TENM4: variants seen among roughly 807,000 people sequenced by gnomAD.
TENM4 encodes the protein teneurin-4.
A neutral mutation model predicts 243.3 loss-of-function variants in TENM4; 82 were observed. That is an observed-to-expected ratio of 0.34 (90% CI 0.28 to 0.40). The LOEUF (loss-of-function observed/expected upper bound fraction) is 0.40. Among genes scored for constraint, TENM4 ranks in the 10% least tolerant of loss-of-function variants. The probability of loss-of-function intolerance (pLI) is 1.00; values close to 1 mark genes in which losing one functional copy is unlikely to be tolerated. For missense variants in TENM4, 3,138 were observed against 3,673.3 expected (o/e 0.85, Z 3.77); for synonymous variants, 1,412 against 1,456.3 (o/e 0.97, Z 0.69).
chr11:79,323,049 G>A (rs1277872332), intron 1 of TENM4, among the ~76,000 whole-genome samples: 2 of 152,192 alleles, frequency 1.3e-5, no homozygotes. Flanking sequence ...TCACTGTGCT[G>A]TAATCATGGG....
intron 6 of TENM4, among the ~76,000 whole-genome samples, chr11:78,994,992 T>G (rs1858135912): frequency 6.6e-6 from 1 of 152,184 alleles, no homozygotes; most frequent in South Asian, 2.1e-4. Context: ...AGATATGAAC[T>G]AAGAGATAAA....
chr11:79,256,276 C>A (rs1855699847), intron 2 of TENM4, among the ~76,000 whole-genome samples: 1 of 152,206 alleles, frequency 6.6e-6, no homozygotes. Context: ...GGGTGCTGCG[C>A]TATCTCACCG....
At chr11:79,095,960 G>T (rs2137063813) in intron 4 of TENM4, 1 of 152,300 alleles carries the variant, frequency 6.6e-6, no homozygotes, top group East Asian at 1.9e-4. Flanking sequence ...AGAACCCATT[G>T]AGGGTCTCTC....
intron 18 of TENM4, among the ~76,000 whole-genome samples, chr11:78,767,980 G>A (rs1856571290): frequency 6.6e-6 from 1 of 152,206 alleles, no homozygotes; most frequent in African/African-American, 2.4e-5. Context: ...AGGTGTGCTT[G>A]GCTGAACTGA....
chr11:78,897,055 A>G (rs1400390864), intron 7 of TENM4, among the ~76,000 whole-genome samples: 1 of 152,134 alleles, frequency 6.6e-6, no homozygotes, highest in African/African-American at 2.4e-5. Context: ...CTCAACAATT[A>G]TGATGAATAA....
chr11:78,714,961 G>A (rs956813961), intron 25 of TENM4, among the ~76,000 whole-genome samples: 5 of 152,206 alleles, frequency 3.3e-5, no homozygotes, highest in African/African-American at 9.7e-5. Context: ...GTCAATACTT[G>A]AAGGGAAGAG....
intron 1 of TENM4, among the ~76,000 whole-genome samples, chr11:79,313,511 T>G (rs1856754597): frequency 6.6e-6 from 1 of 152,188 alleles, no homozygotes; most frequent in Admixed American, 6.5e-5. Flanking sequence ...CTAAATACAC[T>G]TGCTAATAAC....
intron 1 of TENM4, among the ~76,000 whole-genome samples, chr11:79,308,546 T>C (rs1350720412): frequency 6.6e-6 from 1 of 152,270 alleles, no homozygotes; most frequent in African/African-American, 2.4e-5. Context: ...TTACCCATAT[T>C]CACAGTGGGA....
intron 19 of TENM4, among the ~76,000 whole-genome samples, chr11:78,752,802 T>G (rs1345507090): frequency 2.6e-5 from 4 of 151,844 alleles, no homozygotes; most frequent in Non-Finnish European, 5.9e-5. Flanking sequence ...TTCAACAGCC[T>G]AAACCTGCCT....
At chr11:79,341,688 T>C (rs1353881331) in intron 1 of TENM4, among the ~76,000 whole-genome samples, 1 of 152,192 alleles carries the variant, frequency 6.6e-6, no homozygotes, top group Non-Finnish European at 1.5e-5. Flanking sequence ...CTCTCTGTGC[T>C]CTCTGAGAGG....
chr11:79,429,505 G>A (rs560924710), intron 1 of TENM4, among the ~76,000 whole-genome samples: 3 of 151,992 alleles, frequency 2.0e-5, no homozygotes, highest in African/African-American at 7.2e-5. Context: ...AAGCTACTTC[G>A]TGAATCCCAC....
chr11:78,786,914 G>C lies in TENM4; in HGVS notation c.2349C>G (p.Gly783=). The C allele has an allele frequency of 6.2e-7, 1 of 1,608,762 alleles. No homozygotes were observed. Among genetic ancestry groups the C allele is most frequent in the Non-Finnish European group, 8.5e-7 (1 of 1,178,066 alleles). ...CCGCCATACCGATGGTGCAGTGTTC[G>C]CCATTCCAGCCAGGGCTGCACTCGC... ...GKCECSPGWN[G]EHCTIAHYLD... The change falls in exon 16 of 34, where the codon GGC becomes GGG. Residue 783 remains glycine, a synonymous_variant. Transcript: ENST00000278550.
In TENM4 at chr11:79,117,401, C is replaced by T. The variant is rs566640712; in HGVS notation, c.-66+31309G>A. 2.0e-5 allele frequency among the ~76,000 whole-genome samples: 3 copies of T among 152,292 alleles called. No individual in the cohort carries two copies. In the East Asian group the frequency reaches 5.8e-4, roughly 29 times the overall value. On this transcript the variant is annotated intron_variant, in intron 4 of 33. Coordinates refer to ENST00000278550, the MANE Select transcript of TENM4 (RefSeq NM_001098816.3). The stretch of plus-strand genomic sequence containing the variant: ...CCATCTCATGTCAAACAATCCCAGT[C>T]TCTAGAAGAGGCTGTCCTTTAAATG...
chr11:78,991,079 G>A (rs1191325010), intron 6 of TENM4, among the ~76,000 whole-genome samples: 1 of 152,126 alleles, frequency 6.6e-6, no homozygotes, highest in Non-Finnish European at 1.5e-5. Context: ...TGGGGTGTCT[G>A]CGTGTGTGCC....
At chr11:79,197,092 T>C (rs887558715) in intron 3 of TENM4, among the ~76,000 whole-genome samples, 3 of 152,130 alleles carry the variant, frequency 2.0e-5, no homozygotes, top group African/African-American at 7.2e-5. Context: ...CCAACTAGAA[T>C]GTAGGGCTGG....
intron 12 of TENM4, 69 bp downstream of exon 12, chr11:78,854,035 G>A: frequency 6.9e-7 from 1 of 1,442,628 alleles, no homozygotes; most frequent in Non-Finnish European, 9.4e-7. Flanking sequence ...GTCAGTCCCA[G>A]AATCTCCATG....
At chr11:78,840,911 C>T (rs72941727) in intron 12 of TENM4, among the ~76,000 whole-genome samples, 5,017 of 152,248 alleles carry the variant, frequency 0.033, 92 homozygotes, top group Middle Eastern at 0.088. Context: ...TTCTCGGAAC[C>T]TTGTTTCATC....
At chr11:79,230,123 A>G (rs1297810860) in intron 2 of TENM4, among the ~76,000 whole-genome samples, 2 of 151,822 alleles carry the variant, frequency 1.3e-5, no homozygotes, top group Non-Finnish European at 2.9e-5. Context: ...TCGAGGAAGG[A>G]CCAGATATAG....
intron 6 of TENM4, among the ~76,000 whole-genome samples, chr11:79,050,768 G>A (rs1199077605): frequency 6.6e-6 from 1 of 152,144 alleles, no homozygotes. Flanking sequence ...ATCCCTCTTC[G>A]GTGTTTGGGA....
Sources: allele counts gnomAD v4.1 joint callset (sites outside exome capture counted in the v4.1 genomes callset), GRCh38; gene constraint gnomAD v4.1.1; transcripts MANE v1.5; gene names NCBI Gene and HGNC (gene_info 2026-07-23, HGNC 2026-07-21).